Variants in ZBTB20 observed in about 807,000 individuals in gnomAD.
ZBTB20 encodes zinc finger and BTB domain containing 20, also known as zinc finger and BTB domain-containing protein 20.
Under a neutral mutation model 56.9 loss-of-function variants are expected in ZBTB20, and 9 were observed. The observed-to-expected ratio is 0.16, with a 90% CI of 0.10 to 0.28. The LOEUF is 0.28. ZBTB20 is among the 10% of genes least tolerant of loss of function. The pLI is 1.00. For synonymous variants in ZBTB20, 417 were observed against 420.7 expected, an observed-to-expected ratio of 0.99 and a Z score of 0.11; for missense variants, 655 against 1,003.0, an observed-to-expected ratio of 0.65 and a Z score of 4.69.
chr3:114,621,430 T>A (rs1156522504), intron 6 of ZBTB20, among the ~76,000 whole-genome samples: 1 of 152,198 alleles, frequency 6.6e-6, no homozygotes, highest in Admixed American at 6.5e-5. Flanking sequence ...TGTGCGTATA[T>A]GTAGGCATTT....
chr3:114,768,080 T>C (rs1011909619), intron 5 of ZBTB20, among the ~76,000 whole-genome samples: 1 of 152,102 alleles, frequency 6.6e-6, no homozygotes, highest in Non-Finnish European at 1.5e-5. Context: ...TGAAAAACCA[T>C]TGGCTCTAGA....
At chr3:114,416,347 C>G (rs1250046289) in intron 7 of ZBTB20, among the ~76,000 whole-genome samples, 1 of 143,970 alleles carries the variant, frequency 6.9e-6, no homozygotes, top group African/African-American at 2.6e-5. Context: ...AAAAAAACAA[C>G]TAACTAAATA....
At chr3:114,538,721 T>C (rs2110088204) in intron 6 of ZBTB20, among the ~76,000 whole-genome samples, 1 of 152,314 alleles carries the variant, frequency 6.6e-6, no homozygotes, top group East Asian at 1.9e-4. Flanking sequence ...GAGCATTCTG[T>C]CATCTTATTC....
chr3:114,390,150 T>A (rs372944687), intron 7 of ZBTB20, among the ~76,000 whole-genome samples: 2 of 152,168 alleles, frequency 1.3e-5, no homozygotes, highest in East Asian at 1.9e-4. Context: ...ATTCCCCATA[T>A]AAGTGAGGTC....
At chr3:114,460,309 T>A (rs774978184) in intron 7 of ZBTB20, among the ~76,000 whole-genome samples, 7 of 152,054 alleles carry the variant, frequency 4.6e-5, no homozygotes, top group Non-Finnish European at 7.4e-5. Flanking sequence ...CCAAAAGATA[T>A]CCATGTCCTA....
intron 4 of ZBTB20, among the ~76,000 whole-genome samples, chr3:114,865,068 A>T (rs1425660265): frequency 6.6e-6 from 1 of 152,038 alleles, no homozygotes; most frequent in Admixed American, 6.6e-5. Flanking sequence ...CGAATCAGAA[A>T]TTTTCTTATG....
intron 7 of ZBTB20, among the ~76,000 whole-genome samples, chr3:114,404,624 A>T (rs1396421616): frequency 1.3e-5 from 2 of 152,128 alleles, no homozygotes; most frequent in Non-Finnish European, 2.9e-5. Context: ...TGGTGTACAG[A>T]CGTGGCTATT....
intron 3 of ZBTB20, among the ~76,000 whole-genome samples, chr3:114,963,715 T>A (rs1015831958): frequency 6.6e-5 from 10 of 152,074 alleles, no homozygotes. Context: ...TCATTCCAAG[T>A]ACTATAATTG....
At chr3:114,715,268 C>T (rs1007767152) in intron 5 of ZBTB20, among the ~76,000 whole-genome samples, 1 of 152,114 alleles carries the variant, frequency 6.6e-6, no homozygotes, top group East Asian at 1.9e-4. Flanking sequence ...AGCACATTAT[C>T]GTTTCTTTCC....
At chr3:114,511,649 AATCT>A (rs2109812177) in intron 6 of ZBTB20, among the ~76,000 whole-genome samples, 1 of 152,182 alleles carries the variant, frequency 6.6e-6, no homozygotes, top group African/African-American at 2.4e-5. Context: ...TACAAGGGAA[AATCT>A]ATCTAATATT....
chr3:114,368,150 A>G (rs537838839), intron 10 of ZBTB20, among the ~76,000 whole-genome samples: 2 of 152,320 alleles, frequency 1.3e-5, no homozygotes, highest in East Asian at 3.9e-4. Flanking sequence ...TCCTTCTAAT[A>G]ACCCTATGAG....
intron 5 of ZBTB20, among the ~76,000 whole-genome samples, chr3:114,797,294 C>A (rs2071399339): frequency 6.6e-6 from 1 of 151,664 alleles, no homozygotes; most frequent in Non-Finnish European, 1.5e-5. Context: ...TGCGTTGCAA[C>A]CCACACTTTG....
intron 6 of ZBTB20, among the ~76,000 whole-genome samples, chr3:114,557,453 T>C (rs2051385622): frequency 6.6e-6 from 1 of 152,018 alleles, no homozygotes; most frequent in African/African-American, 2.4e-5. Context: ...TGCAGTATGT[T>C]TTTCATATAT....
Position 114,320,712 on chromosome 3 carries a change from TA to T in ZBTB20, c.*18292del, listed in dbSNP as rs2078865117. On this transcript the variant is annotated 3_prime_UTR_variant, in exon 12 of 12. Coordinates refer to ENST00000675478, the MANE Select transcript of ZBTB20 (RefSeq NM_001348800.3). ...ACAGTAGAATTACATATTAATAATA[TA>T]ATAAAAAGATATTTCATTAACAGGT... The T allele has an allele frequency of 6.6e-6, 1 of 152,074 alleles. No homozygotes were observed. Among genetic ancestry groups the T allele is most frequent in the African/African-American group, 2.4e-5 (1 of 41,414 alleles). The allele number at this position is 152,074 out of a possible 1,614,324, so 9.4% of individuals were successfully genotyped here. A position where few individuals can be genotyped will look rare whatever the true frequency, so the allele number is the denominator to read the frequency against.
intron 3 of ZBTB20, among the ~76,000 whole-genome samples, chr3:114,967,526 A>G (rs1576447782): frequency 6.6e-6 from 1 of 152,316 alleles, no homozygotes; most frequent in East Asian, 1.9e-4. Flanking sequence ...ATGGTCTTCA[A>G]GACTTTCAAA....
chr3:115,077,197 A>C (rs946195037), intron 1 of ZBTB20, among the ~76,000 whole-genome samples: 3 of 152,200 alleles, frequency 2.0e-5, no homozygotes, highest in Non-Finnish European at 2.9e-5. Context: ...AAAAAGAAAA[A>C]AAAAACTAAT....
chr3:115,047,739 C>G (rs905482716), intron 2 of ZBTB20, among the ~76,000 whole-genome samples: 2 of 152,070 alleles, frequency 1.3e-5, no homozygotes, highest in Non-Finnish European at 2.9e-5. Flanking sequence ...TAAACACAAG[C>G]AAATCAGTTT....
chr3:114,652,522 T>C (rs780711502), intron 6 of ZBTB20, among the ~76,000 whole-genome samples: 1 of 152,020 alleles, frequency 6.6e-6, no homozygotes, highest in Non-Finnish European at 1.5e-5. Flanking sequence ...TAACTAGGAA[T>C]GTAATTACCA....
intron 6 of ZBTB20, among the ~76,000 whole-genome samples, chr3:114,560,120 C>G (rs1478622857): frequency 6.6e-6 from 1 of 152,140 alleles, no homozygotes; most frequent in African/African-American, 2.4e-5. Flanking sequence ...CAATAATCTT[C>G]TAATACAGTG....
Sources: gnomAD v4.1 joint callset for allele counts (sites outside exome capture counted in the v4.1 genomes callset) on GRCh38, gnomAD v4.1.1 for gene constraint, MANE v1.5 for transcripts, NCBI Gene and HGNC (gene_info 2026-07-23, HGNC 2026-07-21) for gene names.